The following CUX1 variants were observed in gnomAD, a reference collection of about 807,000 sequenced individuals.
CUX1 encodes the protein protein CASP.
In CUX1, 31 loss-of-function variants were observed where a neutral mutation model predicts 158.8. The observed-to-expected ratio is 0.20, with a 90% CI of 0.15 to 0.26. The LOEUF (loss-of-function observed/expected upper bound fraction) is 0.26, where lower values mean the gene tolerates loss of function less well. Ranked by LOEUF, CUX1 falls within the 10% of genes least tolerant of loss-of-function variation. The pLI is 1.00. For synonymous variants in CUX1, 879 were observed against 862.1 expected (o/e 1.02, Z -0.34); for missense variants, 1,589 against 2,014.6 (o/e 0.79, Z 4.04).
chr7:102,272,748 AG>A (rs1554546553), intron 14 of CUX1, among the ~76,000 whole-genome samples: 1 of 152,162 alleles, frequency 6.6e-6, no homozygotes. Context: ...TGGCACCTGG[AG>A]GAGGGAGAGA....
At chr7:102,199,623 A>G (rs1554519141) in intron 16 of CUX1, among the ~76,000 whole-genome samples, 1 of 152,234 alleles carries the variant, frequency 6.6e-6, no homozygotes, top group African/African-American at 2.4e-5. Flanking sequence ...TGAATGATTG[A>G]TAGACAATCA....
At chr7:102,119,677 G>T (rs1319793621) in intron 8 of CUX1, among the ~76,000 whole-genome samples, 1 of 152,146 alleles carries the variant, frequency 6.6e-6, no homozygotes, top group Non-Finnish European at 1.5e-5. Context: ...AACCATTTCT[G>T]GGTTAAATAA....
At chr7:102,135,439 C>T (rs1374935864) in intron 8 of CUX1, among the ~76,000 whole-genome samples, 9 of 151,576 alleles carry the variant, frequency 5.9e-5, no homozygotes, top group Admixed American at 1.3e-4. Context: ...CGGGTGACAG[C>T]GGAGGAGGAC....
chr7:101,987,116 G>A (rs1016433376), intron 2 of CUX1, among the ~76,000 whole-genome samples: 1 of 152,172 alleles, frequency 6.6e-6, no homozygotes, highest in East Asian at 1.9e-4. Context: ...CGTCCGTCTT[G>A]GAATGAGGCA....
Position 102,201,310 on chromosome 7 carries a change from A to G in CUX1, c.2063-50A>G. The stretch of plus-strand genomic sequence containing the variant: ...AAGTTAGGATGAGAAGCATGTCCCC[A>G]GCTGAAGGGGGCCGCCCTGCCACAC... On this transcript the variant is annotated intron_variant, in intron 17 of 23. Coordinates refer to ENST00000292535, the MANE Select transcript of CUX1 (RefSeq NM_181552.4). This position sits in a 1 kb window ranked among gnomAD's most constrained non-coding sequence, Gnocchi z 5.0. 1 of 1,581,408 alleles carries G rather than the reference A, an allele frequency of 6.3e-7. No individual in the cohort carries two copies. The highest frequency in any genetic ancestry group is 8.6e-7 in the Non-Finnish European group (1 of 1,162,754).
At chr7:102,109,394 G>T (rs544649977) in intron 6 of CUX1, among the ~76,000 whole-genome samples, 1 of 152,200 alleles carries the variant, frequency 6.6e-6, no homozygotes, top group Non-Finnish European at 1.5e-5. Flanking sequence ...ATTTTATCTT[G>T]TGTTGGCAGA....
rs570594920 is a variant in CUX1 at position 102,196,680 on chromosome 7, G to A, written c.1269G>A (p.Pro423=). 22 of 1,599,064 alleles carry A rather than the reference G, an allele frequency of 1.4e-5. No homozygotes were observed. The East Asian group carries it at 1.6e-4, about 11-fold the overall frequency. The change falls in exon 15 of 24, where the codon CCG becomes CCA. Residue 423 remains proline, a synonymous_variant. Coordinates refer to ENST00000292535, the MANE Select transcript of CUX1 (RefSeq NM_181552.4). ...KGKDQPESRR[P]GSLPAPPPSQ... ...AAGACCAGCCTGAAAGTCGGCGCCC[G>A]GGATCTTTGCCGGCCCCCCCTCCTT...
At chr7:102,053,104 C>T (rs1823719087) in intron 3 of CUX1, among the ~76,000 whole-genome samples, 2 of 152,302 alleles carry the variant, frequency 1.3e-5, no homozygotes, top group Admixed American at 1.3e-4. Context: ...GCCACCGCAG[C>T]CGGCCCCATT....
intron 21 of CUX1, among the ~76,000 whole-genome samples, chr7:102,231,805 C>A (rs2132407525): frequency 6.6e-6 from 1 of 151,688 alleles, no homozygotes; most frequent in African/African-American, 2.4e-5. Flanking sequence ...GCTCCGCCTC[C>A]CGGGTTCACG....
intron 1 of CUX1, among the ~76,000 whole-genome samples, chr7:101,832,100 A>T (rs1388886955): frequency 6.6e-6 from 1 of 152,084 alleles, no homozygotes; most frequent in Non-Finnish European, 1.5e-5. Context: ...GTCTTAGAGG[A>T]TCCTTCTGGA....
At chr7:102,050,500 G>A (rs893573420) in intron 3 of CUX1, among the ~76,000 whole-genome samples, 8 of 152,044 alleles carry the variant, frequency 5.3e-5, no homozygotes, top group African/African-American at 1.2e-4. Flanking sequence ...GCCTGGGCCC[G>A]TCATCCAACG....
chr7:102,158,392 C>G (rs1790024777), intron 8 of CUX1, among the ~76,000 whole-genome samples, 168 bp from the exon 9 acceptor site: 1 of 152,130 alleles, frequency 6.6e-6, no homozygotes. Flanking sequence ...ATGGCATCAG[C>G]AAGCACATCT....
At chr7:101,881,572 GT>G (rs372449890) in intron 1 of CUX1, among the ~76,000 whole-genome samples, 4 of 152,160 alleles carry the variant, frequency 2.6e-5, no homozygotes, top group African/African-American at 7.2e-5. Context: ...ATCTGTTCCC[GT>G]CCAATATGAA....
chr7:102,207,660 C>A (rs1262018647), intron 20 of CUX1, among the ~76,000 whole-genome samples: 4 of 152,074 alleles, frequency 2.6e-5, no homozygotes, highest in African/African-American at 9.7e-5. Flanking sequence ...ACATGTTGGC[C>A]AGGCCGGTCT....
chr7:101,989,502 C>G (rs1334902006), intron 2 of CUX1, among the ~76,000 whole-genome samples: 2 of 152,160 alleles, frequency 1.3e-5, no homozygotes, highest in Non-Finnish European at 2.9e-5. Flanking sequence ...AGCCCAAATT[C>G]AAACCCGAGT....
At chr7:101,829,963 G>C (rs1244455291) in intron 1 of CUX1, among the ~76,000 whole-genome samples, 1 of 152,226 alleles carries the variant, frequency 6.6e-6, no homozygotes, top group Non-Finnish European at 1.5e-5. Flanking sequence ...TTAGGAGAGA[G>C]GCCTGGTCAT....
intron 4 of CUX1, among the ~76,000 whole-genome samples, chr7:102,088,355 A>G (rs1009629848): frequency 6.6e-6 from 1 of 152,090 alleles, no homozygotes; most frequent in Non-Finnish European, 1.5e-5. Context: ...TGGGTCTGCC[A>G]GTCATGGTGG....
chr7:102,136,168 G>A (rs776528427), intron 8 of CUX1, among the ~76,000 whole-genome samples: 96 of 151,948 alleles, frequency 6.3e-4, no homozygotes, highest in Middle Eastern at 3.4e-3. Flanking sequence ...GACAAATCAG[G>A]TATAAATACA....
At chr7:101,826,598 C>T (rs1161522679) in intron 1 of CUX1, among the ~76,000 whole-genome samples, 4 of 152,320 alleles carry the variant, frequency 2.6e-5, no homozygotes, top group African/African-American at 7.2e-5. Flanking sequence ...GCCTAGAGGG[C>T]GGACAGGACT....
Sources: allele counts gnomAD v4.1 joint callset (sites outside exome capture counted in the v4.1 genomes callset), GRCh38; gene constraint gnomAD v4.1.1; non-coding constraint Gnocchi (gnomAD v3.1); transcripts MANE v1.5; gene names NCBI Gene and HGNC (gene_info 2026-07-23, HGNC 2026-07-21).